The following ATP6V0E1 variants were observed in gnomAD, a reference collection of about 807,000 sequenced individuals.
ATP6V0E1 encodes the protein ATPase H+ transporting V0 subunit e1.
A neutral mutation model predicts 11.6 loss-of-function variants in ATP6V0E1; 4 were observed. The ratio of observed to expected loss-of-function variants is 0.35; its 90% CI spans 0.17 to 0.79. ATP6V0E1 has a LOEUF of 0.79. Among genes scored for constraint, ATP6V0E1 ranks in the 30% least tolerant of loss-of-function variants. ATP6V0E1 has a pLI of 0.54. For missense variants in ATP6V0E1, 105 were observed against 100.0 expected (o/e 1.05, Z -0.21); for synonymous variants, 36 against 34.8 (o/e 1.04, Z -0.13).
In ATP6V0E1 at chr5:172,986,789, G is replaced by C. The variant is rs567641437; in HGVS notation, c.104+2825G>C. 761 of 435,012 alleles carry C rather than the reference G, an allele frequency of 1.7e-3. 5 individuals carry two copies. Among genetic ancestry groups the C allele is most frequent in the African/African-American group, 0.014 (697 of 48,976 alleles). 26.9% of individuals were successfully genotyped at this position (435,012 alleles called of 1,614,324 possible). ...GGTTTTTTGTTGTTTTTGTTTGTTT[G>C]TTTGTTTGTTTGTTTTTGAGACAGA... On this transcript the variant is annotated intron_variant, in intron 1 of 3. Coordinates refer to ENST00000519374, the MANE Select transcript of ATP6V0E1 (RefSeq NM_003945.4).
At chr5:172,994,041 A>G (rs1386938438) in intron 1 of ATP6V0E1, among the ~76,000 whole-genome samples, 1 of 152,010 alleles carries the variant, frequency 6.6e-6, no homozygotes, top group African/African-American at 2.4e-5. Flanking sequence ...AGAAGGAGAA[A>G]AGTTTGAATC....
At chr5:172,992,601 A>G (rs1756000876) in intron 1 of ATP6V0E1, among the ~76,000 whole-genome samples, 1 of 152,020 alleles carries the variant, frequency 6.6e-6, no homozygotes, top group Non-Finnish European at 1.5e-5. Context: ...TTTCCTGACC[A>G]TCCTCTAAAA....
intron 2 of ATP6V0E1, among the ~76,000 whole-genome samples, chr5:173,019,293 C>G (rs1402355934): frequency 6.6e-6 from 1 of 152,194 alleles, no homozygotes; most frequent in Admixed American, 6.5e-5. Context: ...AGGTGGCTCA[C>G]GTCTGTAATC....
chr5:172,985,934 C>A (rs905334908), intron 1 of ATP6V0E1, among the ~76,000 whole-genome samples: 2 of 152,210 alleles, frequency 1.3e-5, no homozygotes, highest in Non-Finnish European at 2.9e-5. Context: ...GAACCTGTTG[C>A]CTCTAGGTAG....
intron 3 of ATP6V0E1, among the ~76,000 whole-genome samples, chr5:173,032,382 G>C (rs1291609829): frequency 1.3e-5 from 2 of 151,442 alleles, no homozygotes; most frequent in African/African-American, 4.9e-5. Context: ...CCGCCTCCTG[G>C]GTTCAAGCCA....
At chr5:173,012,047 T>G (rs1035766901) in intron 2 of ATP6V0E1, among the ~76,000 whole-genome samples, 6 of 151,470 alleles carry the variant, frequency 4.0e-5, no homozygotes, top group Non-Finnish European at 7.4e-5. Flanking sequence ...AATTTTTTTT[T>G]TTTTTTTTGA....
chr5:173,028,762 C>G (rs145760635), intron 3 of ATP6V0E1, among the ~76,000 whole-genome samples: 53 of 152,356 alleles, frequency 3.5e-4, no homozygotes, highest in African/African-American at 1.3e-3. Flanking sequence ...GCAGTGCTCA[C>G]TCCATCCTTG....
chr5:173,008,645 C>T (rs931936726), intron 2 of ATP6V0E1, among the ~76,000 whole-genome samples: 7 of 145,382 alleles, frequency 4.8e-5, no homozygotes, highest in Admixed American at 6.8e-5. Flanking sequence ...CGCGGTGGCT[C>T]ACACCTGTAA....
chr5:173,019,503 G>A (rs892153220), intron 2 of ATP6V0E1, among the ~76,000 whole-genome samples: 1 of 151,724 alleles, frequency 6.6e-6, no homozygotes, highest in Non-Finnish European at 1.5e-5. Context: ...GCAGCAAGCC[G>A]AGATTGCACC....
intron 3 of ATP6V0E1, among the ~76,000 whole-genome samples, chr5:173,027,641 T>TG (rs774982169): frequency 3.8e-4 from 58 of 152,008 alleles, no homozygotes; most frequent in Admixed American, 1.7e-3. Flanking sequence ...TTTTAATAGA[T>TG]GGGGGTCTCA....
chr5:173,018,219 TC>T (rs1312450434), intron 2 of ATP6V0E1, among the ~76,000 whole-genome samples: 3 of 152,206 alleles, frequency 2.0e-5, no homozygotes, highest in Non-Finnish European at 2.9e-5. Flanking sequence ...TATCCCGTGT[TC>T]CTATAATAAA....
intron 2 of ATP6V0E1, among the ~76,000 whole-genome samples, chr5:173,011,175 CTTTTTTTTTT>C (rs754605378): frequency 0.18 from 20,341 of 114,836 alleles, 2,153 homozygotes; most frequent in African/African-American, 0.34. Flanking sequence ...CCTGATTTAT[CTTTTTTTTTT>C]TTTTTTTTTT....
At chr5:172,998,867 G>T (rs527426299) in intron 2 of ATP6V0E1, among the ~76,000 whole-genome samples, 3 of 152,244 alleles carry the variant, frequency 2.0e-5, no homozygotes, top group Non-Finnish European at 2.9e-5. Context: ...GGGGCCGGGC[G>T]TGTTGGCTTA....
At chr5:173,002,095 G>A (rs1411474144) in intron 2 of ATP6V0E1, among the ~76,000 whole-genome samples, 1 of 152,114 alleles carries the variant, frequency 6.6e-6, no homozygotes, top group Non-Finnish European at 1.5e-5. Context: ...ATGGCCAATC[G>A]TGTTTTATCC....
At chr5:173,015,827 A>G (rs1756390640) in intron 2 of ATP6V0E1, among the ~76,000 whole-genome samples, 1 of 152,130 alleles carries the variant, frequency 6.6e-6, no homozygotes, top group African/African-American at 2.4e-5. Context: ...CCCAGGTTCA[A>G]GTGATTCTCC....
At chr5:172,992,798 T>C (rs1003826879) in intron 1 of ATP6V0E1, among the ~76,000 whole-genome samples, 1 of 152,026 alleles carries the variant, frequency 6.6e-6, no homozygotes, top group Non-Finnish European at 1.5e-5. Flanking sequence ...TTTTTTTTGT[T>C]TATTTATTTA....
chr5:173,006,336 C>T (rs1449581961), intron 2 of ATP6V0E1, among the ~76,000 whole-genome samples: 3 of 152,128 alleles, frequency 2.0e-5, no homozygotes, highest in African/African-American at 7.2e-5. Flanking sequence ...CTGGGCCGGG[C>T]ACGATGGCTC....
intron 3 of ATP6V0E1, among the ~76,000 whole-genome samples, chr5:173,031,713 G>A (rs537036293): frequency 6.6e-6 from 1 of 151,914 alleles, no homozygotes; most frequent in Non-Finnish European, 1.5e-5. Flanking sequence ...CAGCTACTCG[G>A]GAGGCTGAGG....
At chr5:172,985,550 C>T (rs6866221) in intron 1 of ATP6V0E1, among the ~76,000 whole-genome samples, 1 of 151,942 alleles carries the variant, frequency 6.6e-6, no homozygotes, top group Non-Finnish European at 1.5e-5. Context: ...CTGGAGTTAG[C>T]GAACAACAAA....
Sources: allele counts gnomAD v4.1 joint callset (sites outside exome capture counted in the v4.1 genomes callset), GRCh38; gene constraint gnomAD v4.1.1; transcripts MANE v1.5; gene names NCBI Gene and HGNC (gene_info 2026-07-23, HGNC 2026-07-21).